CAPS2: variants seen among roughly 807,000 people sequenced by gnomAD.
The protein encoded by CAPS2 is calcyphosine 2.
In CAPS2, 98 loss-of-function variants were observed where a neutral mutation model predicts 86.5. The observed-to-expected ratio is 1.13, with a 90% CI of 0.96 to 1.34. CAPS2 has a LOEUF of 1.34. Ranked by LOEUF, CAPS2 falls within the 40% of genes most tolerant of loss-of-function variation. The pLI is 0.00. For synonymous variants in CAPS2, 210 were observed against 225.1 expected (o/e 0.93, Z 0.60); for missense variants, 729 against 686.8 (o/e 1.06, Z -0.69).
At chr12:75,376,451 G>C (rs1359098384) in intron 1 of CAPS2, among the ~76,000 whole-genome samples, 1 of 152,184 alleles carries the variant, frequency 6.6e-6, no homozygotes, top group Non-Finnish European at 1.5e-5. Flanking sequence ...GCTGGGACTT[G>C]AGTCTAATTA....
chr12:75,317,481 T>A (rs907588807), intron 5 of CAPS2, among the ~76,000 whole-genome samples: 1 of 152,190 alleles, frequency 6.6e-6, no homozygotes, highest in Non-Finnish European at 1.5e-5. Context: ...TTGTTCAGGT[T>A]GAAAACACTT....
At chr12:75,346,916 AT>A (rs1056675533) in intron 1 of CAPS2, among the ~76,000 whole-genome samples, 3 of 151,886 alleles carry the variant, frequency 2.0e-5, no homozygotes, top group Admixed American at 6.6e-5. Flanking sequence ...GTAAACCAGT[AT>A]TTTTTTCCCT....
intron 1 of CAPS2, 44 bp from the exon 3 acceptor site, chr12:75,325,332 T>C (rs1192503027): frequency 7.9e-7 from 1 of 1,268,628 alleles, no homozygotes; most frequent in South Asian, 1.4e-5. Context: ...TAAATATGAA[T>C]ATACCCTTTA....
chr12:75,303,623 A>G (rs2038085323), intron 8 of CAPS2, among the ~76,000 whole-genome samples: 1 of 152,204 alleles, frequency 6.6e-6, no homozygotes. Flanking sequence ...GTTGACTTTT[A>G]AAAAGGACAG....
chr12:75,356,073 A>G (rs2043138777), intron 1 of CAPS2, among the ~76,000 whole-genome samples: 1 of 152,080 alleles, frequency 6.6e-6, no homozygotes, highest in African/African-American at 2.4e-5. Context: ...AGCAAACCAC[A>G]ATGGCACACA....
At chr12:75,291,692 T>C (rs2035998449) in intron 13 of CAPS2, 52 bp downstream of exon 13, 2 of 908,750 alleles carry the variant, frequency 2.2e-6, no homozygotes, top group Non-Finnish European at 3.2e-6. Flanking sequence ...TTACTGATTA[T>C]AAAAAAGGAC....
At chr12:75,302,679 A>C (rs1181885074) in intron 8 of CAPS2, among the ~76,000 whole-genome samples, 1 of 152,242 alleles carries the variant, frequency 6.6e-6, no homozygotes, top group African/African-American at 2.4e-5. Flanking sequence ...AAACATGTAA[A>C]TAAGATCCAC....
chr12:75,309,506 T>C (rs1296819463), intron 7 of CAPS2, among the ~76,000 whole-genome samples: 2 of 152,230 alleles, frequency 1.3e-5, no homozygotes, highest in Non-Finnish European at 2.9e-5. Context: ...CTTTTCCTAC[T>C]TGCCTGACAA....
intron 16 of CAPS2, among the ~76,000 whole-genome samples, chr12:75,279,432 G>C (rs2033488353): frequency 6.6e-6 from 1 of 151,834 alleles, no homozygotes; most frequent in Non-Finnish European, 1.5e-5. Flanking sequence ...GTAGAAAAAG[G>C]GTCAAAAATT....
chr12:75,380,494 T>C (rs1410318240), intron 1 of CAPS2, among the ~76,000 whole-genome samples: 2 of 152,124 alleles, frequency 1.3e-5, no homozygotes, highest in East Asian at 3.9e-4. Flanking sequence ...CTAGGGAAAC[T>C]ACATTGATTA....
intron 11 of CAPS2, among the ~76,000 whole-genome samples, chr12:75,294,858 A>G (rs1188906508): frequency 6.6e-6 from 1 of 152,226 alleles, no homozygotes; most frequent in Non-Finnish European, 1.5e-5. Flanking sequence ...TAGCAAAACA[A>G]ATTTATTAAC....
chr12:75,279,074 T>C lies in CAPS2; in HGVS notation c.1613-9A>G. 6.4e-7 allele frequency: 1 copy of C among 1,562,380 alleles called. No individual in the cohort carries two copies. Among genetic ancestry groups the C allele is most frequent in the Non-Finnish European group, 8.6e-7 (1 of 1,159,736 alleles). On this transcript the variant is annotated splice_polypyrimidine_tract_variant and intron_variant, in intron 16 of 16. Coordinates refer to ENST00000393284, the Ensembl canonical transcript of CAPS2. ...TTCCTCTGTTGAATGGCCTATAAAA[T>C]AGTACTGAGTATGAAACAGTTTCCT...
intron 7 of CAPS2, chr12:75,305,451 G>T: frequency 1.9e-6 from 1 of 529,876 alleles, no homozygotes. Context: ...CAGACCGGTT[G>T]GAACAAAGTA....
At chr12:75,376,843 T>G (rs2044675863) in intron 1 of CAPS2, among the ~76,000 whole-genome samples, 1 of 152,156 alleles carries the variant, frequency 6.6e-6, no homozygotes, top group African/African-American at 2.4e-5. Context: ...ATTTAGCCCT[T>G]TGTCTTCAGG....
chr12:75,300,555 CAAAAAAAAAAAAAAAA>C (rs60853698), intron 8 of CAPS2, among the ~76,000 whole-genome samples: 3 of 83,020 alleles, frequency 3.6e-5, no homozygotes, highest in Admixed American at 1.4e-4. Context: ...GACTCCGTCT[CAAAAAAAAAAAAAAAA>C]AAAAAAAAAA....
At chr12:75,298,266 T>A (rs1290781057) in intron 11 of CAPS2, 4 of 163,670 alleles carry the variant, frequency 2.4e-5, no homozygotes, top group African/African-American at 9.6e-5. Context: ...GAAGATAGGC[T>A]ATCCATCAAA....
At chr12:75,328,600 T>C (rs1301048553), upstream of CAPS2, among the ~76,000 whole-genome samples, 1 of 152,230 alleles carries the variant, frequency 6.6e-6, no homozygotes, top group Non-Finnish European at 1.5e-5. Flanking sequence ...GCAAAATACA[T>C]GTATACATTT....
chr12:75,369,350 T>C (rs2044202866), intron 1 of CAPS2: 1 of 175,830 alleles, frequency 5.7e-6, no homozygotes, highest in African/African-American at 2.4e-5. Flanking sequence ...TATAGATTTT[T>C]CTCTCCTCAT....
At chr12:75,385,910 T>C (rs536259472) in intron 1 of CAPS2, among the ~76,000 whole-genome samples, 2 of 152,246 alleles carry the variant, frequency 1.3e-5, no homozygotes, top group African/African-American at 4.8e-5. Flanking sequence ...AAGATCTGTA[T>C]GAGGAACACT....
Sources: allele counts gnomAD v4.1 joint callset (sites outside exome capture counted in the v4.1 genomes callset), GRCh38; gene constraint gnomAD v4.1.1; transcripts MANE v1.5; gene names NCBI Gene and HGNC (gene_info 2026-07-23, HGNC 2026-07-21).